The following COL5A2 variants were observed in gnomAD, a reference collection of about 807,000 sequenced individuals.
The protein encoded by COL5A2 is collagen type V alpha 2 chain, also known as collagen alpha-2(V) chain.
In COL5A2, 23 loss-of-function variants were observed where a neutral mutation model predicts 208.2. The observed-to-expected ratio is 0.11, with a 90% confidence interval of 0.08 to 0.16. The LOEUF is 0.16. COL5A2 is among the 10% of genes least tolerant of loss of function. The pLI is 1.00. For missense variants in COL5A2, 1,590 were observed against 1,956.4 expected (o/e 0.81, Z 3.53); for synonymous variants, 625 against 628.5 (o/e 0.99, Z 0.08).
At chr2:189,423,656 T>C in the COL5A2 span, among the ~76,000 whole-genome samples, 3 of 152,038 alleles carry the variant, frequency 2.0e-5, no homozygotes, top group South Asian at 6.2e-4. Context: ...ACATACAAGA[T>C]TGAACTATAA....
the COL5A2 span, among the ~76,000 whole-genome samples, chr2:189,387,881 C>T: frequency 4.0e-3 from 614 of 152,268 alleles, 7 homozygotes; most frequent in African/African-American, 0.014. Context: ...GCCTCCCAGG[C>T]TCAAGCCAGC....
At chr2:189,328,566 C>T in the COL5A2 span, among the ~76,000 whole-genome samples, 2 of 152,216 alleles carry the variant, frequency 1.3e-5, no homozygotes, top group African/African-American at 4.8e-5. Context: ...ATACAGGTTC[C>T]TCCCAGTCCC....
chr2:189,359,944 T>G, the COL5A2 span, among the ~76,000 whole-genome samples: 4 of 152,126 alleles, frequency 2.6e-5, no homozygotes, highest in Non-Finnish European at 4.4e-5. Flanking sequence ...TTTATGTGAG[T>G]CTTCTCTCTT....
At chr2:189,242,458 TC>T in the COL5A2 span, among the ~76,000 whole-genome samples, 1 of 152,210 alleles carries the variant, frequency 6.6e-6, no homozygotes, top group African/African-American at 2.4e-5. Flanking sequence ...AAGCCCTTCT[TC>T]TTTTTACTGT....
chr2:189,066,408 T>C lies in COL5A2; in HGVS notation c.1545A>G (p.Pro515=). 6.2e-7 allele frequency: 1 copy of C among 1,614,124 alleles called. No homozygotes were observed. Among genetic ancestry groups the C allele is most frequent in the South Asian group, 1.1e-5 (1 of 91,082 alleles). ...AATTTACCCTTTCTCCCACTGGCCC[T>C]GGAGGACCAACTGTTCCTGGGTCAC... The part of the protein sequence containing the change: ...PRGDPGTVGP[P]GPVGERGAPG... Residue 515 remains proline (P), a synonymous_variant, in exon 23 of 54, where the codon CCA becomes CCG. Transcript: ENST00000374866.
At position 189,081,002 on chromosome 2, in the gene COL5A2, C is replaced by T. The variant is rs186775192; in HGVS notation, c.894G>A (p.Leu298=). The stretch of plus-strand genomic sequence containing the variant: ...AGATTGAACTTACTCGGTGACCCTT[C>T]AGACCTGGAAGACCAGGAGCCCCAG... ...GFPGAPGLPG[L]KGHRGHKGLE... Residue 298 remains leucine (L), a synonymous_variant, in exon 13 of 54, where the codon CTG becomes CTA. Coordinates refer to ENST00000374866, the MANE Select transcript of COL5A2 (RefSeq NM_000393.5). 5.0e-6 allele frequency: 8 copies of T among 1,613,514 alleles called. No individual in the cohort carries two copies. Among genetic ancestry groups the T allele is most frequent in the East Asian group, 2.2e-5 (1 of 44,842 alleles).
intron 4 of COL5A2, among the ~76,000 whole-genome samples, chr2:189,099,669 T>A (rs61410138): frequency 1.3e-5 from 2 of 151,942 alleles, no homozygotes; most frequent in South Asian, 2.1e-4. Context: ...AGAACGACAG[T>A]TGAAGAGCTT....
chr2:189,033,070 A>G lies in COL5A2; in HGVS notation c.*1000T>C, dbSNP rs1372715955. 2.0e-5 allele frequency: 3 copies of G among 152,572 alleles called. No individual in the cohort carries two copies. The highest frequency in any genetic ancestry group is 7.2e-5 in the African/African-American group (3 of 41,438). 9.5% of individuals were successfully genotyped at this position (152,572 alleles called of 1,614,324 possible). A position where few individuals can be genotyped will look rare whatever the true frequency, so the allele number is the denominator to read the frequency against. On this transcript the variant is annotated 3_prime_UTR_variant, in exon 54 of 54. Transcript: ENST00000374866. ...TTTTCCTATGAAAGTTCAAAGGCCA[A>G]ATGGTCTAATTCCAATCATCACATT... is the stretch of plus-strand genomic sequence containing the variant.
chr2:189,376,845 T>C, the COL5A2 span, among the ~76,000 whole-genome samples: 872 of 152,322 alleles, frequency 5.7e-3, 6 homozygotes, highest in Non-Finnish European at 0.01. Context: ...AAAGGCACTA[T>C]GTTCCACTTT....
chr2:189,110,218 T>C lies in COL5A2; in HGVS notation c.322+7A>G. On this transcript the variant is annotated splice_region_variant and intron_variant, in intron 2 of 53. Coordinates refer to ENST00000374866, the MANE Select transcript of COL5A2 (RefSeq NM_000393.5). ...ATCAATTATGAGTTGGCCCTAAACA[T>C]TCTTACCAAAATTGGTATTGCCACC... 1 of 1,599,932 alleles carries C rather than the reference T, an allele frequency of 6.3e-7. No homozygotes were observed. The highest frequency in any genetic ancestry group is 8.6e-7 in the Non-Finnish European group (1 of 1,167,542).
At chr2:189,316,407 AG>A in the COL5A2 span, among the ~76,000 whole-genome samples, 2 of 152,112 alleles carry the variant, frequency 1.3e-5, no homozygotes, top group African/African-American at 4.8e-5. Flanking sequence ...GAGCTCATGC[AG>A]GGTTTAATAC....
chr2:189,051,330 T>A lies in COL5A2; in HGVS notation c.2921A>T (p.Asp974Val). 6.2e-7 allele frequency: 1 copy of A among 1,614,014 alleles called. No homozygotes were observed. The highest frequency in any genetic ancestry group is 8.5e-7 in the Non-Finnish European group (1 of 1,179,956). ...GPGDKGDPGE[D>V]GQPGPDGPPG... ...ATACGCCAAACTTACAGGTTGCCCATCTTCTCCTGGGTCCCCTTTGTCTCC... is the reference window on the plus strand; with the variant it reads ...ATACGCCAAACTTACAGGTTGCCCAACTTCTCCTGGGTCCCCTTTGTCTCC... The change falls in exon 42 of 54, where the codon GAT becomes GTT. Residue 974 changes from aspartate (D) to valine (V), a missense_variant. By Grantham distance (152) the Asp-to-Val change is radical. Transcript: ENST00000374866.
chr2:189,140,558 T>C (rs1687915952), intron 1 of COL5A2, among the ~76,000 whole-genome samples: 1 of 152,190 alleles, frequency 6.6e-6, no homozygotes, highest in African/African-American at 2.4e-5. Context: ...TGCACATATA[T>C]ATATAGAAAG....
the COL5A2 span, among the ~76,000 whole-genome samples, chr2:189,425,671 G>A: frequency 6.6e-6 from 1 of 152,138 alleles, no homozygotes; most frequent in Non-Finnish European, 1.5e-5. Flanking sequence ...GTAATCCCCA[G>A]TGCTGATTGT....
chr2:189,059,585 G>GTTTTTTTCTTTTTTTTTTTTTT (rs1685979077), intron 31 of COL5A2, among the ~76,000 whole-genome samples: 1 of 28,594 alleles, frequency 3.5e-5, no homozygotes. Context: ...TTCTTTTCTG[G>GTTTTTTTCTTTTTTTTTTTTTT]TTTTTTTTTT....
At chr2:189,054,364 T>C (rs1685856548) in intron 35 of COL5A2, 152 bp from the exon 36 acceptor site, 2 of 637,060 alleles carry the variant, frequency 3.1e-6, no homozygotes, top group Non-Finnish European at 5.6e-6. Context: ...ATAATCTATA[T>C]ATTTTCAAGA....
the COL5A2 span, among the ~76,000 whole-genome samples, chr2:189,248,535 T>C: frequency 6.6e-6 from 1 of 152,180 alleles, no homozygotes; most frequent in African/African-American, 2.4e-5. Flanking sequence ...CAACTTTCAG[T>C]AAACACTGTA....
the COL5A2 span, among the ~76,000 whole-genome samples, chr2:189,440,146 A>C: frequency 5.2e-4 from 79 of 152,354 alleles, 1 homozygote; most frequent in African/African-American, 1.7e-3. Flanking sequence ...TAGACTCCTC[A>C]GTAAAAAGTA....
At chr2:189,258,307 G>A in the COL5A2 span, among the ~76,000 whole-genome samples, 2 of 151,978 alleles carry the variant, frequency 1.3e-5, no homozygotes, top group Non-Finnish European at 2.9e-5. Context: ...TTGGCAGAGT[G>A]GTCATCTCAT....
Sources: gnomAD v4.1 joint callset for allele counts (sites outside exome capture counted in the v4.1 genomes callset) on GRCh38, gnomAD v4.1.1 for gene constraint, MANE v1.5 for transcripts, NCBI Gene and HGNC (gene_info 2026-07-23, HGNC 2026-07-21) for gene names.